ASIC2: variants seen among roughly 807,000 people sequenced by gnomAD.
The protein encoded by ASIC2 is acid sensing ion channel subunit 2, also known as acid-sensing ion channel 2.
A neutral mutation model predicts 57.3 loss-of-function variants in ASIC2; 25 were observed. The ratio of observed to expected loss-of-function variants is 0.44; its 90% CI spans 0.32 to 0.61. The LOEUF is 0.61. Ranked by LOEUF, ASIC2 falls within the 20% of genes least tolerant of loss-of-function variation. The pLI is 0.06. For synonymous variants in ASIC2, 319 were observed against 307.5 expected (o/e 1.04, Z -0.39); for missense variants, 641 against 738.1 (o/e 0.87, Z 1.52).
chr17:33,035,166 AT>A (rs1157087211), intron 3 of ASIC2, among the ~76,000 whole-genome samples: 4 of 152,052 alleles, frequency 2.6e-5, no homozygotes, highest in East Asian at 3.9e-4. Flanking sequence ...TAGGGCTTTC[AT>A]TTTTTTAAAG....
At chr17:33,994,641 C>T (rs1023463290) in intron 1 of ASIC2, among the ~76,000 whole-genome samples, 8 of 152,068 alleles carry the variant, frequency 5.3e-5, no homozygotes, top group Admixed American at 1.3e-4. Flanking sequence ...TAGCAGGCAC[C>T]GAGGACTGAA....
intron 1 of ASIC2, among the ~76,000 whole-genome samples, chr17:33,413,655 C>T (rs966618603): frequency 6.6e-6 from 1 of 152,250 alleles, no homozygotes; most frequent in Non-Finnish European, 1.5e-5. Flanking sequence ...ACTGTCTACT[C>T]CTTTCTGCAG....
At chr17:33,249,502 T>C (rs1372682005) in intron 1 of ASIC2, among the ~76,000 whole-genome samples, 1 of 152,020 alleles carries the variant, frequency 6.6e-6, no homozygotes, top group Non-Finnish European at 1.5e-5. Flanking sequence ...ACTAGGAGGT[T>C]GGGGAGAAGA....
intron 1 of ASIC2, among the ~76,000 whole-genome samples, chr17:33,696,546 A>G (rs1316580034): frequency 6.6e-6 from 1 of 152,194 alleles, no homozygotes; most frequent in Non-Finnish European, 1.5e-5. Flanking sequence ...AACACATGAC[A>G]TGAACGAAGA....
At chr17:33,817,759 A>G (rs1385085422) in intron 1 of ASIC2, among the ~76,000 whole-genome samples, 1 of 152,128 alleles carries the variant, frequency 6.6e-6, no homozygotes, top group Non-Finnish European at 1.5e-5. Flanking sequence ...TTCCTAAAGA[A>G]CCCACGATTT....
chr17:33,620,569 T>A (rs1487073883), intron 1 of ASIC2, among the ~76,000 whole-genome samples: 1 of 152,168 alleles, frequency 6.6e-6, no homozygotes, highest in Non-Finnish European at 1.5e-5. Flanking sequence ...AAATCATCCT[T>A]ATTTTAGAGC....
At chr17:33,775,050 C>A (rs1911223636) in intron 1 of ASIC2, among the ~76,000 whole-genome samples, 1 of 152,162 alleles carries the variant, frequency 6.6e-6, no homozygotes, top group Admixed American at 6.5e-5. Flanking sequence ...CTCAGAAAGC[C>A]ATGGAGTGAC....
At chr17:33,474,928 T>G (rs752613503) in intron 1 of ASIC2, among the ~76,000 whole-genome samples, 2 of 152,320 alleles carry the variant, frequency 1.3e-5, no homozygotes, top group Admixed American at 6.5e-5. Flanking sequence ...CTCACCTGAT[T>G]GCGCTGCACT....
At chr17:33,426,442 TTG>T (rs1270321291) in intron 1 of ASIC2, among the ~76,000 whole-genome samples, 1 of 152,208 alleles carries the variant, frequency 6.6e-6, no homozygotes, top group Non-Finnish European at 1.5e-5. Context: ...AGGCAAACTC[TTG>T]ACCACCACAA....
chr17:33,863,934 G>A (rs983079995), intron 1 of ASIC2, among the ~76,000 whole-genome samples: 3 of 146,634 alleles, frequency 2.0e-5, no homozygotes, highest in East Asian at 2.0e-4. Context: ...ATGGAGTTTC[G>A]CTCTTATTGT....
intron 1 of ASIC2, among the ~76,000 whole-genome samples, chr17:33,271,300 T>C (rs1904482774): frequency 6.6e-6 from 1 of 152,182 alleles, no homozygotes; most frequent in African/African-American, 2.4e-5. Flanking sequence ...ACTCCACTTA[T>C]GCGATCCCAC....
At chr17:34,048,725 G>A (rs988013297) in intron 1 of ASIC2, among the ~76,000 whole-genome samples, 1 of 152,200 alleles carries the variant, frequency 6.6e-6, no homozygotes, top group Non-Finnish European at 1.5e-5. Flanking sequence ...GGTTACAAGA[G>A]AGGGCATGGC....
intron 1 of ASIC2, among the ~76,000 whole-genome samples, chr17:34,111,844 G>C (rs1171230677): frequency 6.6e-6 from 1 of 152,124 alleles, no homozygotes; most frequent in Non-Finnish European, 1.5e-5. Context: ...TAAATTATGA[G>C]AATTTAACCC....
chr17:33,740,571 G>A (rs902055713), intron 1 of ASIC2, among the ~76,000 whole-genome samples: 3 of 152,068 alleles, frequency 2.0e-5, no homozygotes, highest in African/African-American at 7.2e-5. Context: ...GGGATTATGC[G>A]AGCTACAATT....
intron 1 of ASIC2, among the ~76,000 whole-genome samples, chr17:33,160,954 A>T (rs980724345): frequency 2.0e-5 from 3 of 152,230 alleles, no homozygotes; most frequent in Non-Finnish European, 2.9e-5. Flanking sequence ...AGTAAATTCA[A>T]CATAAAGGAG....
rs147156410 is a variant in ASIC2, at chr17:34,105,408, T to C, written c.555+50570A>G. ...TATTAATCTTTCCAAAAGCAATTTC[T>C]GGATTTCTTGGTTTTCTATTTTTAA... On this transcript the variant is annotated intron_variant, in intron 1 of 9. Transcript: ENST00000359872. Among the ~76,000 whole-genome samples, 212 of 151,824 alleles carry C rather than the reference T, an allele frequency of 1.4e-3. 2 individuals are homozygous for C. Among genetic ancestry groups the C allele is most frequent in the African/African-American group, 5.0e-3 (209 of 41,562 alleles).
intron 1 of ASIC2, among the ~76,000 whole-genome samples, chr17:33,205,994 T>C (rs1355550214): frequency 6.6e-6 from 1 of 152,198 alleles, no homozygotes; most frequent in Non-Finnish European, 1.5e-5. Flanking sequence ...ATGATTGATG[T>C]TTCAAATAAA....
At chr17:33,492,164 C>A (rs114216352) in intron 1 of ASIC2, among the ~76,000 whole-genome samples, 1 of 152,166 alleles carries the variant, frequency 6.6e-6, no homozygotes, top group Non-Finnish European at 1.5e-5. Context: ...ATTAAGTGTG[C>A]GTTATGCAGC....
In ASIC2 at chr17:33,286,368, G is replaced by A. The variant is rs369681690; in HGVS notation, c.708+5040C>T. Among the ~76,000 whole-genome samples the A allele has an allele frequency of 2.6e-5, 4 of 152,262 alleles. No individual in the cohort carries two copies. In the South Asian group the frequency reaches 8.3e-4, roughly 32 times the overall value. ...GAACAGGGTGGCAGCTGGGGTGTTTGGGACACAGATGAGGTCTCTCTCCAC... is the reference window on the plus strand; with the variant it reads ...GAACAGGGTGGCAGCTGGGGTGTTTAGGACACAGATGAGGTCTCTCTCCAC... On this transcript the variant is annotated intron_variant, in intron 1 of 9. Transcript: ENST00000225823.
Sources: gnomAD v4.1 joint callset for allele counts (sites outside exome capture counted in the v4.1 genomes callset) on GRCh38, gnomAD v4.1.1 for gene constraint, MANE v1.5 for transcripts, NCBI Gene and HGNC (gene_info 2026-07-23, HGNC 2026-07-21) for gene names.